RBMS3: variants seen among roughly 807,000 people sequenced by gnomAD.
RBMS3 encodes RNA-binding motif, single-stranded-interacting protein 3.
Under a neutral mutation model 66.8 loss-of-function variants are expected in RBMS3, and 27 were observed. That is an observed-to-expected ratio of 0.40 (90% CI 0.30 to 0.56). RBMS3 has a LOEUF of 0.56. RBMS3 is among the 20% of genes least tolerant of loss of function. The pLI is 0.40. For missense variants in RBMS3, 513 were observed against 549.5 expected, an observed-to-expected ratio of 0.93 and a Z score of 0.66; for synonymous variants, 188 against 183.0, an observed-to-expected ratio of 1.03 and a Z score of -0.22.
intron 1 of RBMS3, among the ~76,000 whole-genome samples, chr3:29,429,560 A>G (rs1198308736): frequency 6.6e-6 from 1 of 152,118 alleles, no homozygotes; most frequent in Non-Finnish European, 1.5e-5. Context: ...TGTCATCCAA[A>G]ATCCCCTTCT....
At chr3:29,432,958 T>C (rs954666367) in intron 1 of RBMS3, among the ~76,000 whole-genome samples, 6 of 152,196 alleles carry the variant, frequency 3.9e-5, no homozygotes, top group Non-Finnish European at 7.3e-5. Context: ...GGATTCTACA[T>C]ACAAAGTTTA....
intron 10 of RBMS3, among the ~76,000 whole-genome samples, chr3:29,921,056 G>A (rs546791707): frequency 2.0e-5 from 3 of 152,098 alleles, no homozygotes; most frequent in Admixed American, 2.0e-4. Flanking sequence ...TTGACTTTTT[G>A]TTTTGGTTTG....
In RBMS3 at chr3:29,771,159, G is replaced by A. The variant is rs568921411; in HGVS notation, c.637+8170G>A. Among the ~76,000 whole-genome samples the A allele has an allele frequency of 4.6e-5, 7 of 152,022 alleles. 1 individual carries two copies. The highest frequency in any genetic ancestry group is 2.1e-4 in the South Asian group (1 of 4,816). On this transcript the variant is annotated intron_variant, in intron 6 of 14. Coordinates refer to ENST00000383767, the MANE Select transcript of RBMS3 (RefSeq NM_001003793.3). The stretch of plus-strand genomic sequence containing the variant: ...CTAGCTGCTTCCTCTTATTTCTTAC[G>A]TCTTTCAGCCCTGAATGATGAATCA...
At chr3:29,999,903 T>C (rs112636630) in intron 14 of RBMS3, among the ~76,000 whole-genome samples, 13,483 of 151,562 alleles carry the variant, frequency 0.089, 1,037 homozygotes, top group South Asian at 0.2. Context: ...AAACTTAAAG[T>C]ATAATAATAA....
intron 10 of RBMS3, among the ~76,000 whole-genome samples, chr3:29,932,959 T>G (rs1444140900): frequency 6.6e-6 from 1 of 152,170 alleles, no homozygotes; most frequent in Non-Finnish European, 1.5e-5. Context: ...ACCAGACCTT[T>G]CCATCAGCTG....
In RBMS3 at chr3:30,001,768, TTC is replaced by T. The variant is rs1253681224; in HGVS notation, c.1308-2086_1308-2085del. 6.2e-5 allele frequency among the ~76,000 whole-genome samples: 9 copies of T among 146,148 alleles called. No homozygotes were observed. In the East Asian group the frequency reaches 1.5e-3, roughly 25 times the overall value. The stretch of plus-strand genomic sequence containing the variant: ...ACATGAATTCCTGTTTTCAAGTTAT[TTC>T]TTTTTATTTTATTTCTTATTTTATT... On this transcript the variant is annotated intron_variant, in intron 14 of 14. Coordinates refer to ENST00000383767, the MANE Select transcript of RBMS3 (RefSeq NM_001003793.3).
chr3:29,435,252 A>C (rs929453119), intron 2 of RBMS3, among the ~76,000 whole-genome samples: 1 of 152,178 alleles, frequency 6.6e-6, no homozygotes, highest in Non-Finnish European at 1.5e-5. Flanking sequence ...GAAATAAACG[A>C]TTTTCTTGAG....
intron 3 of RBMS3, among the ~76,000 whole-genome samples, chr3:29,490,535 TG>T (rs2043504554): frequency 6.6e-6 from 1 of 152,058 alleles, no homozygotes; most frequent in African/African-American, 2.4e-5. Context: ...TAGTAGGTTT[TG>T]GGGAGAAGGT....
intron 2 of RBMS3, among the ~76,000 whole-genome samples, chr3:29,449,292 C>G (rs2041938390): frequency 6.6e-6 from 1 of 152,116 alleles, no homozygotes; most frequent in Non-Finnish European, 1.5e-5. Context: ...AAAAACTCTT[C>G]AGCAAAAATG....
At chr3:29,604,639 G>T (rs952125342) in intron 4 of RBMS3, among the ~76,000 whole-genome samples, 1 of 151,958 alleles carries the variant, frequency 6.6e-6, no homozygotes, top group Non-Finnish European at 1.5e-5. Flanking sequence ...CTGCAAATGA[G>T]CTCAGATATT....
At chr3:29,765,674 G>A (rs1401835786) in intron 6 of RBMS3, 2 of 151,824 alleles carry the variant, frequency 1.3e-5, no homozygotes, top group African/African-American at 2.4e-5. Flanking sequence ...TGAGATCCTC[G>A]GGTCTTAAGA....
intron 3 of RBMS3, among the ~76,000 whole-genome samples, chr3:29,583,119 C>CT (rs2047388887): frequency 6.6e-6 from 1 of 152,068 alleles, no homozygotes; most frequent in Admixed American, 6.6e-5. Context: ...TATAAGTACG[C>CT]TTTTTTCAAA....
chr3:29,681,123 C>G (rs2051470401), intron 4 of RBMS3, among the ~76,000 whole-genome samples: 1 of 152,208 alleles, frequency 6.6e-6, no homozygotes, highest in East Asian at 1.9e-4. Context: ...TTTCTCTACT[C>G]TCTTAATGAA....
intron 3 of RBMS3, among the ~76,000 whole-genome samples, chr3:29,568,575 G>T (rs1452146735): frequency 6.6e-6 from 1 of 152,198 alleles, no homozygotes; most frequent in African/African-American, 2.4e-5. Context: ...AACCGACATA[G>T]AATTTAGGTA....
chr3:29,684,813 C>CAG (rs1553642154), intron 4 of RBMS3, among the ~76,000 whole-genome samples: 2 of 144,878 alleles, frequency 1.4e-5, no homozygotes, highest in African/African-American at 5.0e-5. Flanking sequence ...CACACACACA[C>CAG]ACAGACACAT....
At chr3:29,624,988 G>C (rs1011139916) in intron 4 of RBMS3, among the ~76,000 whole-genome samples, 1 of 152,030 alleles carries the variant, frequency 6.6e-6, no homozygotes, top group South Asian at 2.1e-4. Flanking sequence ...GGAACATGGG[G>C]GTGGGTTTTC....
At chr3:29,611,030 G>A (rs939918723) in intron 4 of RBMS3, among the ~76,000 whole-genome samples, 2 of 151,940 alleles carry the variant, frequency 1.3e-5, no homozygotes, top group Non-Finnish European at 2.9e-5. Flanking sequence ...TCCATTTGTG[G>A]TAGGGCATCT....
intron 6 of RBMS3, among the ~76,000 whole-genome samples, chr3:29,770,601 T>C (rs1469571023): frequency 6.6e-6 from 1 of 152,004 alleles, no homozygotes; most frequent in Non-Finnish European, 1.5e-5. Flanking sequence ...ATTTCTAAAA[T>C]ACTGACTCCA....
rs144810603 is a variant in RBMS3, at chr3:29,346,135, A to G, written c.75+64379A>G. Among the ~76,000 whole-genome samples the G allele has an allele frequency of 1.5e-4, 23 of 152,302 alleles. No individual in the cohort carries two copies. The East Asian group carries it at 3.7e-3, about 24-fold the overall frequency. On this transcript the variant is annotated intron_variant, in intron 1 of 14. Transcript: ENST00000383767. ...ACTTGCATAGAACTGGAGTTGGCCC[A>G]TATTGACATAAGACAGTTCTCAATC...
Sources: allele counts gnomAD v4.1 joint callset (sites outside exome capture counted in the v4.1 genomes callset), GRCh38; gene constraint gnomAD v4.1.1; transcripts MANE v1.5; gene names NCBI Gene and HGNC (gene_info 2026-07-23, HGNC 2026-07-21).